The following RBFOX1 variants were observed in gnomAD, a reference collection of about 807,000 sequenced individuals.
RBFOX1 encodes RNA binding fox-1 homolog 1, also known as RNA binding protein fox-1 homolog 1.
In RBFOX1, 8 loss-of-function variants were observed where a neutral mutation model predicts 57.7. The observed-to-expected ratio is 0.14, with a 90% CI of 0.08 to 0.25. The LOEUF (loss-of-function observed/expected upper bound fraction) is 0.25, where lower values mean the gene tolerates loss of function less well. Ranked by LOEUF, RBFOX1 falls within the 10% of genes least tolerant of loss-of-function variation. RBFOX1 has a pLI of 1.00. For synonymous variants in RBFOX1, 326 were observed against 222.4 expected (o/e 1.47, Z -4.15); for missense variants, 611 against 548.5 (o/e 1.11, Z -1.14).
In RBFOX1 at chr16:6,659,361, G is replaced by A. The variant is rs575884761; in HGVS notation, c.-16+4711G>A. On this transcript the variant is annotated intron_variant, in intron 3 of 15. Coordinates refer to ENST00000550418, the MANE Select transcript of RBFOX1 (RefSeq NM_018723.4). ...TTTGAGTGGTTTTCCAAGTTATGGC[G>A]ACTTTCAGATTGGGTCCAATTGAAG... is the stretch of plus-strand genomic sequence containing the variant. Among the ~76,000 whole-genome samples, 17 of 151,814 alleles carry A rather than the reference G, an allele frequency of 1.1e-4. No homozygotes were observed. The East Asian group carries it at 2.9e-3, about 26-fold the overall frequency.
intron 2 of RBFOX1, among the ~76,000 whole-genome samples, chr16:6,361,896 G>A (rs2088615809): frequency 6.6e-6 from 1 of 152,002 alleles, no homozygotes; most frequent in African/African-American, 2.4e-5. Context: ...TGATCCAGCC[G>A]TTTTTGTTTT....
intron 4 of RBFOX1, among the ~76,000 whole-genome samples, chr16:7,483,839 G>T (rs2064661582): frequency 1.3e-5 from 2 of 152,224 alleles, no homozygotes; most frequent in Admixed American, 1.3e-4. Flanking sequence ...TATAGCAGAG[G>T]CTGCGCATCA....
In RBFOX1 at chr16:5,713,474, G is replaced by T. The variant is rs1596907077; in HGVS notation, c.318+114513G>T. Reference sequence around the variant, plus strand: ...ATATTTCCCTGTCTGAGCTAATCTGGGCTTTGATCCCCAAATATCTCATCT... The same window carrying T: ...ATATTTCCCTGTCTGAGCTAATCTGTGCTTTGATCCCCAAATATCTCATCT... On this transcript the variant is annotated intron_variant, in intron 3 of 19. Coordinates refer to the RBFOX1 transcript ENST00000641259. Among the ~76,000 whole-genome samples the T allele has an allele frequency of 3.9e-5, 6 of 152,156 alleles. 1 individual carries two copies.
At chr16:7,062,714 C>G (rs2054767321) in intron 4 of RBFOX1, among the ~76,000 whole-genome samples, 1 of 151,952 alleles carries the variant, frequency 6.6e-6, no homozygotes, top group Non-Finnish European at 1.5e-5. Flanking sequence ...GTGAAGAAAA[C>G]AAGCATGATT....
intron 14 of RBFOX1, among the ~76,000 whole-genome samples, chr16:7,690,086 C>T (rs1042339963): frequency 6.6e-6 from 1 of 152,018 alleles, no homozygotes; most frequent in Non-Finnish European, 1.5e-5. Context: ...CTCTTGAATC[C>T]CTCTGCCTTG....
At chr16:6,732,575 C>T (rs1300114388) in intron 3 of RBFOX1, among the ~76,000 whole-genome samples, 1 of 152,198 alleles carries the variant, frequency 6.6e-6, no homozygotes. Context: ...GACTTTCCAC[C>T]ACGATTAATG....
rs537293692 is a variant in RBFOX1 at position 7,166,972 on chromosome 16, C to CTTTTTTTTTTTTTTTTTTTTTTTTTTTT, written c.27+114882_27+114909dup. 1.6e-4 allele frequency among the ~76,000 whole-genome samples: 8 copies of CTTTTTTTTTTTTTTTTTTTTTTTTTTTT among 49,114 alleles called. 1 individual carries two copies. Among genetic ancestry groups the CTTTTTTTTTTTTTTTTTTTTTTTTTTTT allele is most frequent in the Admixed American group, 5.6e-4 (2 of 3,590 alleles). 32.2% of individuals were successfully genotyped at this position (49,114 alleles called of 152,430 possible). On this transcript the variant is annotated intron_variant, in intron 4 of 15. Transcript: ENST00000550418. ...AGCCCCAGATTGCTGCATTGGTGTT[C>CTTTTTTTTTTTTTTTTTTTTTTTTTTTT]TTTTTTTTTTTTTTTTTTTTTTTTT...
At chr16:5,570,893 G>T (rs905703581) in intron 2 of RBFOX1, among the ~76,000 whole-genome samples, 1 of 151,682 alleles carries the variant, frequency 6.6e-6, no homozygotes, top group Non-Finnish European at 1.5e-5. Context: ...GTTACTTGGA[G>T]ATCTTTAGAG....
At chr16:6,666,496 C>A (rs1346324942) in intron 3 of RBFOX1, among the ~76,000 whole-genome samples, 3 of 148,102 alleles carry the variant, frequency 2.0e-5, no homozygotes, top group African/African-American at 5.0e-5. Context: ...GCTGAGATCA[C>A]ACCACTGCAC....
intron 4 of RBFOX1, among the ~76,000 whole-genome samples, chr16:7,448,662 C>G (rs541438861): frequency 6.6e-6 from 1 of 152,254 alleles, no homozygotes; most frequent in Non-Finnish European, 1.5e-5. Context: ...AGGATTTGTT[C>G]TTTGTTTCTC....
intron 4 of RBFOX1, among the ~76,000 whole-genome samples, chr16:5,989,671 T>C (rs866042953): frequency 6.6e-6 from 1 of 151,932 alleles, no homozygotes; most frequent in Non-Finnish European, 1.5e-5. Context: ...GTGGCTTCCA[T>C]AGTGGACCTT....
At chr16:6,253,447 G>A (rs1344638412) in intron 1 of RBFOX1, among the ~76,000 whole-genome samples, 1 of 152,190 alleles carries the variant, frequency 6.6e-6, no homozygotes, top group Non-Finnish European at 1.5e-5. Context: ...TGACTCAGGT[G>A]AGAAGCCAGA....
At chr16:7,092,730 G>C (rs1375482757) in intron 4 of RBFOX1, among the ~76,000 whole-genome samples, 3 of 151,980 alleles carry the variant, frequency 2.0e-5, no homozygotes, top group African/African-American at 7.3e-5. Flanking sequence ...TATGTTAAAA[G>C]GTATGAAGAG....
intron 3 of RBFOX1, among the ~76,000 whole-genome samples, chr16:6,954,913 T>A (rs746328971): frequency 6.6e-6 from 1 of 152,064 alleles, no homozygotes; most frequent in Non-Finnish European, 1.5e-5. Flanking sequence ...TATCCTAAAC[T>A]TATTAGGCTA....
intron 4 of RBFOX1, among the ~76,000 whole-genome samples, chr16:7,148,997 T>C (rs951095850): frequency 1.3e-5 from 2 of 152,260 alleles, no homozygotes; most frequent in Admixed American, 6.5e-5. Flanking sequence ...TTTGCTTCTT[T>C]CCTGGCTTAG....
At chr16:7,160,147 A>G (rs901082876) in intron 4 of RBFOX1, among the ~76,000 whole-genome samples, 1 of 152,076 alleles carries the variant, frequency 6.6e-6, no homozygotes, top group African/African-American at 2.4e-5. Context: ...ATTGTTTCAA[A>G]GGAATTCTGA....
intron 4 of RBFOX1, among the ~76,000 whole-genome samples, chr16:7,156,443 G>GCATATATGTGTACATATA (rs2077157510): frequency 6.6e-6 from 1 of 151,782 alleles, no homozygotes; most frequent in African/African-American, 2.4e-5. Context: ...ATGTAGATAT[G>GCATATATGTGTACATATA]CATATATGTG....
At chr16:5,331,355 C>T (rs4786024) in intron 1 of RBFOX1, among the ~76,000 whole-genome samples, 132,627 of 152,244 alleles carry the variant, frequency 0.87, 60,763 homozygotes, top group East Asian at 1. Flanking sequence ...TTCATAATTA[C>T]TATGTTCTCT....
intron 3 of RBFOX1, among the ~76,000 whole-genome samples, chr16:6,783,990 G>C (rs2081478511): frequency 1.3e-5 from 2 of 152,114 alleles, no homozygotes; most frequent in African/African-American, 4.8e-5. Context: ...TAAGGTTTCT[G>C]CTGAGAAGTC....
Sources: allele counts gnomAD v4.1 joint callset (sites outside exome capture counted in the v4.1 genomes callset), GRCh38; gene constraint gnomAD v4.1.1; transcripts MANE v1.5; gene names NCBI Gene and HGNC (gene_info 2026-07-23, HGNC 2026-07-21).